Variants in VEPH1 observed in about 807,000 individuals in gnomAD.
VEPH1 encodes the protein ventricular zone expressed PH domain containing 1.
A neutral mutation model predicts 85.2 loss-of-function variants in VEPH1; 80 were observed. That is an observed-to-expected ratio of 0.94 (90% CI 0.78 to 1.13). VEPH1 has a LOEUF of 1.13. Ranked by LOEUF, VEPH1 falls within the 50% of genes most tolerant of loss-of-function variation. The pLI, the probability that VEPH1 is intolerant of heterozygous loss-of-function variation, is 0.00. For synonymous variants in VEPH1, 297 were observed against 348.0 expected (o/e 0.85, Z 1.63); for missense variants, 955 against 980.5 (o/e 0.97, Z 0.35).
At chr3:157,380,252 C>A (rs1728611023) in intron 7 of VEPH1, among the ~76,000 whole-genome samples, 1 of 152,200 alleles carries the variant, frequency 6.6e-6, no homozygotes, top group African/African-American at 2.4e-5. Context: ...CTCACTTGAT[C>A]TGGCTCATCT....
At chr3:157,368,484 TTTG>T (rs1726988126) in intron 7 of VEPH1, among the ~76,000 whole-genome samples, 7 of 148,956 alleles carry the variant, frequency 4.7e-5, no homozygotes, top group Admixed American at 2.6e-4. Context: ...AAGTTTTTTG[TTTG>T]TTTGTTTGTT....
intron 11 of VEPH1, among the ~76,000 whole-genome samples, chr3:157,291,517 C>T (rs1271428168): frequency 2.6e-5 from 4 of 152,140 alleles, no homozygotes; most frequent in African/African-American, 9.7e-5. Flanking sequence ...ATTCATAGCA[C>T]CTGGTATCAG....
At chr3:157,396,168 A>G (rs773270486) in intron 6 of VEPH1, among the ~76,000 whole-genome samples, 14 of 152,248 alleles carry the variant, frequency 9.2e-5, no homozygotes, top group Non-Finnish European at 1.3e-4. Context: ...CCCACTTTTA[A>G]GTGAGAACAT....
intron 10 of VEPH1, 119 bp from the exon 11 acceptor site, chr3:157,313,874 A>C (rs1200921325): frequency 1.5e-5 from 19 of 1,245,822 alleles, no homozygotes; most frequent in Non-Finnish European, 2.1e-5. Context: ...TTAATTTTAA[A>C]TGAAACAAGA....
chr3:157,285,767 A>T (rs1716693234), intron 12 of VEPH1, among the ~76,000 whole-genome samples: 1 of 152,224 alleles, frequency 6.6e-6, no homozygotes, highest in African/African-American at 2.4e-5. Flanking sequence ...AAGTGTAACC[A>T]GAAGGCAGAA....
intron 2 of VEPH1, among the ~76,000 whole-genome samples, chr3:157,484,439 C>G (rs1229056396): frequency 6.6e-6 from 1 of 152,024 alleles, no homozygotes; most frequent in South Asian, 2.1e-4. Context: ...GTAACTGGGA[C>G]TACAGGGACA....
intron 10 of VEPH1, among the ~76,000 whole-genome samples, chr3:157,315,030 A>G (rs1298023894): frequency 2.0e-5 from 3 of 152,088 alleles, no homozygotes; most frequent in Non-Finnish European, 4.4e-5. Flanking sequence ...ATAAAATACC[A>G]TTTACCTACA....
At chr3:157,352,158 T>A (rs1235469843) in intron 9 of VEPH1, among the ~76,000 whole-genome samples, 2 of 152,220 alleles carry the variant, frequency 1.3e-5, no homozygotes, top group Non-Finnish European at 2.9e-5. Context: ...TGTAGATTTT[T>A]AAACCAATAT....
Position 157,471,362 on chromosome 3 carries a change from A to C in VEPH1, c.139-833T>G, listed in dbSNP as rs368083984. Among the ~76,000 whole-genome samples, 154 of 152,288 alleles carry C rather than the reference A, an allele frequency of 1.0e-3. 5 individuals carry two copies. The South Asian group carries it at 0.025, about 25-fold the overall frequency. On this transcript the variant is annotated intron_variant, in intron 2 of 13. Coordinates refer to ENST00000362010, the MANE Select transcript of VEPH1 (RefSeq NM_001167912.2). ...TGCATGAAGCTCTCTCTACATTGCA[A>C]ATTATTTATATACTAGAGCCTCCAG...
intron 7 of VEPH1, among the ~76,000 whole-genome samples, chr3:157,378,309 T>C (rs1728368497): frequency 7.2e-3 from 3 of 418 alleles, no homozygotes; most frequent in Non-Finnish European, 0.014. Context: ...TTGAATGGTA[T>C]ATATATATAT....
chr3:157,315,109 A>G (rs1012684643), intron 10 of VEPH1, among the ~76,000 whole-genome samples: 1 of 152,070 alleles, frequency 6.6e-6, no homozygotes, highest in African/African-American at 2.4e-5. Flanking sequence ...TTATGAAATC[A>G]TATGTTCTTT....
chr3:157,381,922 TA>T (rs1167443498), intron 6 of VEPH1, among the ~76,000 whole-genome samples: 2 of 152,148 alleles, frequency 1.3e-5, no homozygotes, highest in African/African-American at 2.4e-5. Context: ...CTCATTAACC[TA>T]TCTTTCCAGG....
chr3:157,490,500 C>A lies in VEPH1; in HGVS notation c.138+4712G>T, dbSNP rs550113595. ...CCTTCAGAGGAAAACAAATGGCATA[C>A]AGCAAATAAGCATATGAAAAAATGG... On this transcript the variant is annotated intron_variant, in intron 2 of 13. Coordinates refer to ENST00000362010, the MANE Select transcript of VEPH1 (RefSeq NM_001167912.2). Among the ~76,000 whole-genome samples the A allele has an allele frequency of 5.9e-5, 9 of 151,632 alleles. No homozygotes were observed. The East Asian group carries it at 1.7e-3, about 29-fold the overall frequency.
chr3:157,383,462 G>T (rs1222504852), intron 6 of VEPH1, among the ~76,000 whole-genome samples: 1 of 152,160 alleles, frequency 6.6e-6, no homozygotes, highest in Non-Finnish European at 1.5e-5. Context: ...ATCAAAATAT[G>T]ACCTTATAAA....
intron 4 of VEPH1, chr3:157,437,744 T>G: frequency 6.7e-7 from 1 of 1,496,062 alleles, no homozygotes; most frequent in Non-Finnish European, 8.8e-7. Context: ...GACGAGCTGC[T>G]GCAGGCGACC....
chr3:157,463,503 T>C (rs1311891360), intron 3 of VEPH1, among the ~76,000 whole-genome samples: 1 of 152,154 alleles, frequency 6.6e-6, no homozygotes, highest in Non-Finnish European at 1.5e-5. Context: ...TTTGTCTAGA[T>C]TGTCTCCCCT....
At chr3:157,368,211 G>A (rs1726948354) in intron 7 of VEPH1, among the ~76,000 whole-genome samples, 1 of 152,222 alleles carries the variant, frequency 6.6e-6, no homozygotes, top group Non-Finnish European at 1.5e-5. Context: ...GGCTGTAGGA[G>A]GGGATGGCCA....
chr3:157,494,284 CA>C (rs1167733964), intron 2 of VEPH1, among the ~76,000 whole-genome samples: 1 of 152,182 alleles, frequency 6.6e-6, no homozygotes, highest in Non-Finnish European at 1.5e-5. Flanking sequence ...TTTGCCAATT[CA>C]GTATTGTATG....
intron 12 of VEPH1, among the ~76,000 whole-genome samples, chr3:157,278,211 C>T (rs567084448): frequency 3.7e-4 from 57 of 152,086 alleles, no homozygotes; most frequent in Non-Finnish European, 2.8e-4. Flanking sequence ...CAGTATGCAT[C>T]GGGGGGTTAC....
Sources: allele counts gnomAD v4.1 joint callset (sites outside exome capture counted in the v4.1 genomes callset), GRCh38; gene constraint gnomAD v4.1.1; transcripts MANE v1.5; gene names NCBI Gene and HGNC (gene_info 2026-07-23, HGNC 2026-07-21).